Variants in TMEM131L observed in about 807,000 individuals in gnomAD.
TMEM131L encodes transmembrane protein 131-like.
TMEM131L carries 54 observed loss-of-function variants against 192.2 expected under a neutral mutation model. The observed-to-expected ratio is 0.28, with a 90% confidence interval of 0.23 to 0.35. The LOEUF (loss-of-function observed/expected upper bound fraction) is 0.35, where lower values mean the gene tolerates loss of function less well. TMEM131L is among the 10% of genes least tolerant of loss of function. The pLI, the probability that TMEM131L is intolerant of heterozygous loss-of-function variation, is 1.00. For missense variants in TMEM131L, 1,888 were observed against 1,972.9 expected, an observed-to-expected ratio of 0.96 and a Z score of 0.82; for synonymous variants, 701 against 704.9, an observed-to-expected ratio of 0.99 and a Z score of 0.09.
At chr4:153,636,114 T>G (rs1241821319) in intron 34 of TMEM131L, among the ~76,000 whole-genome samples, 187 bp from the exon 35 acceptor site, 1 of 152,174 alleles carries the variant, frequency 6.6e-6, no homozygotes, top group Admixed American at 6.5e-5. Flanking sequence ...TTCATCCCAT[T>G]AGATGAGGAT....
intron 3 of TMEM131L, among the ~76,000 whole-genome samples, chr4:153,535,349 G>A (rs1026503099): frequency 1.3e-5 from 2 of 152,136 alleles, no homozygotes; most frequent in Non-Finnish European, 2.9e-5. Context: ...GAGCACATGT[G>A]GATGGGCAGT....
intron 28 of TMEM131L, among the ~76,000 whole-genome samples, chr4:153,622,570 G>A (rs1057278746): frequency 2.0e-5 from 3 of 152,220 alleles, no homozygotes; most frequent in African/African-American, 7.2e-5. Context: ...AATCACCTAT[G>A]AATCTCTGGT....
intron 28 of TMEM131L, among the ~76,000 whole-genome samples, chr4:153,622,514 A>G (rs953140566): frequency 6.6e-6 from 1 of 152,222 alleles, no homozygotes; most frequent in African/African-American, 2.4e-5. Context: ...TCATGTATCA[A>G]TATTTTGAAA....
chr4:153,559,296 A>G (rs1423375344), intron 7 of TMEM131L, among the ~76,000 whole-genome samples: 1 of 152,212 alleles, frequency 6.6e-6, no homozygotes, highest in African/African-American at 2.4e-5. Flanking sequence ...TTTTTATAAA[A>G]TGGAAAAGCC....
chr4:153,627,888 G>C (rs1399150957), intron 31 of TMEM131L, among the ~76,000 whole-genome samples: 1 of 152,176 alleles, frequency 6.6e-6, no homozygotes, highest in East Asian at 1.9e-4. Context: ...AGCTGACCTT[G>C]TGCATCAATA....
chr4:153,525,753 T>C (rs1003242153), intron 3 of TMEM131L, among the ~76,000 whole-genome samples: 2 of 152,260 alleles, frequency 1.3e-5, no homozygotes, highest in African/African-American at 4.8e-5. Flanking sequence ...TCAGTGTTTT[T>C]CAAATATTAA....
intron 3 of TMEM131L, among the ~76,000 whole-genome samples, chr4:153,506,996 G>A (rs747713781): frequency 2.0e-5 from 3 of 152,138 alleles, no homozygotes; most frequent in Non-Finnish European, 4.4e-5. Context: ...TGCTGGCACA[G>A]TTTGGGTTCT....
At chr4:153,591,269 T>A in intron 17 of TMEM131L, 75 bp downstream of exon 17, 2 of 1,397,266 alleles carry the variant, frequency 1.4e-6, no homozygotes, top group Non-Finnish European at 1.9e-6. Flanking sequence ...CCAGATTGTG[T>A]CCACCTTTAG....
rs1732604609 is a variant in TMEM131L at position 153,611,408 on chromosome 4, C to T, written c.3419-844C>T. ...ATTAGTGGCTGTCGTGACCAGAATC[C>T]AAGTCTTTATCCTTCTCTGCCTCTT... On this transcript the variant is annotated intron_variant, in intron 25 of 34. Coordinates refer to ENST00000409959, the MANE Select transcript of TMEM131L (RefSeq NM_001131007.2). Among the ~76,000 whole-genome samples the T allele has an allele frequency of 2.0e-5, 3 of 152,296 alleles. No homozygotes were observed. In the South Asian group the frequency reaches 6.2e-4, roughly 32 times the overall value.
Position 153,591,116 on chromosome 4 carries a change from T to C in TMEM131L, c.1734T>C (p.Phe578=), listed in dbSNP as rs1392184953. The C allele has an allele frequency of 6.2e-7, 1 of 1,611,642 alleles. No individual in the cohort carries two copies. Among genetic ancestry groups the C allele is most frequent in the South Asian group, 1.1e-5 (1 of 90,830 alleles). ...AGAAATCCAAGGAGTCAGAGTCCTT[T>C]GTTTTCTTTTTGCCTCGTTTGATCG... ...HLKKSKESES[F]VFFLPRLIAE... The change falls in exon 17 of 35, where the codon TTT becomes TTC. Residue 578 remains phenylalanine, a synonymous_variant. Transcript: ENST00000409959.
At chr4:153,466,570 C>G (rs375796858) in intron 1 of TMEM131L, 49 bp downstream of exon 1, 1 of 1,272,266 alleles carries the variant, frequency 7.9e-7, no homozygotes, top group Non-Finnish European at 1.0e-6. Context: ...CCCGCCCCCG[C>G]TCTTTCTTTT....
In TMEM131L at chr4:153,603,237, T is replaced by C. The variant is rs1731971945; in HGVS notation, c.2640-66T>C. 6 of 1,386,192 alleles carry C rather than the reference T, an allele frequency of 4.3e-6. No individual in the cohort carries two copies. In the Admixed American group the frequency reaches 9.4e-5, roughly 22 times the overall value. The allele number at this position is 1,386,192 out of a possible 1,614,324, so 85.9% of individuals were successfully genotyped here. On this transcript the variant is annotated intron_variant, in intron 23 of 34. Coordinates refer to ENST00000409959, the MANE Select transcript of TMEM131L (RefSeq NM_001131007.2). ...TAAATCATTCCCCACTCTTCTGTAA[T>C]GAAACTAGTCTTTTGAATGCCAGTC...
intron 4 of TMEM131L, among the ~76,000 whole-genome samples, chr4:153,552,257 C>G (rs1258613139): frequency 6.6e-6 from 1 of 151,882 alleles, no homozygotes; most frequent in East Asian, 1.9e-4. Flanking sequence ...GATTCAGGAC[C>G]TACTTTAAAG....
intron 7 of TMEM131L, among the ~76,000 whole-genome samples, chr4:153,572,773 T>C (rs1729678000): frequency 6.6e-6 from 1 of 152,220 alleles, no homozygotes; most frequent in Non-Finnish European, 1.5e-5. Flanking sequence ...GTAAGTACAT[T>C]CACAGTGTTG....
intron 3 of TMEM131L, among the ~76,000 whole-genome samples, chr4:153,515,337 A>C (rs185126176): frequency 1.1e-4 from 17 of 152,346 alleles, no homozygotes; most frequent in African/African-American, 4.1e-4. Context: ...ATATAAATAG[A>C]ATCATGTAGC....
At position 153,577,910 on chromosome 4, in the gene TMEM131L, G is replaced by C. The variant is rs1362776132; in HGVS notation, c.661-2916G>C. On this transcript the variant is annotated intron_variant, in intron 7 of 34. Coordinates refer to ENST00000409959, the MANE Select transcript of TMEM131L (RefSeq NM_001131007.2). ...GCCCAGTCACTGGTTGGACATATAG[G>C]TATGGAGAGGACTAAGCTAGGGGAA... is the stretch of plus-strand genomic sequence containing the variant. Among the ~76,000 whole-genome samples the C allele has an allele frequency of 3.3e-5, 5 of 152,204 alleles. No homozygotes were observed. The East Asian group carries it at 9.6e-4, about 29-fold the overall frequency.
chr4:153,596,479 G>C lies in TMEM131L; in HGVS notation c.2123+94G>C, dbSNP rs931966097. 3 of 1,456,848 alleles carry C rather than the reference G, an allele frequency of 2.1e-6. No individual in the cohort carries two copies. In the Admixed American group the frequency reaches 5.2e-5, roughly 25 times the overall value. The allele number at this position is 1,456,848 out of a possible 1,614,324, so 90.2% of individuals were successfully genotyped here. A position where few individuals can be genotyped will look rare whatever the true frequency, so the allele number is the denominator to read the frequency against. On this transcript the variant is annotated intron_variant, in intron 20 of 34. Coordinates refer to ENST00000409959, the MANE Select transcript of TMEM131L (RefSeq NM_001131007.2). ...ATAGTTGACGTTCACTTCTCAGTCA[G>C]ACCTTCAGGATGAAGGCTGTGTTGC...
chr4:153,607,696 T>C (rs1732332764), intron 25 of TMEM131L, among the ~76,000 whole-genome samples: 1 of 152,222 alleles, frequency 6.6e-6, no homozygotes, highest in South Asian at 2.1e-4. Flanking sequence ...ACCTGAATAA[T>C]CTGCCTTCTC....
intron 2 of TMEM131L, among the ~76,000 whole-genome samples, chr4:153,472,791 C>G (rs1441053884): frequency 1.8e-4 from 28 of 152,148 alleles, no homozygotes; most frequent in Admixed American, 1.8e-3. Flanking sequence ...CCCTGAGGCA[C>G]TTCCCAAGAG....
Sources: allele counts gnomAD v4.1 joint callset (sites outside exome capture counted in the v4.1 genomes callset), GRCh38; gene constraint gnomAD v4.1.1; transcripts MANE v1.5; gene names NCBI Gene and HGNC (gene_info 2026-07-23, HGNC 2026-07-21).